Variants in PCDHB5 observed in about 807,000 individuals in gnomAD.
PCDHB5 encodes the protein protocadherin beta-5.
For synonymous variants in PCDHB5, 569 were observed against 462.2 expected, an observed-to-expected ratio of 1.23 and a Z score of -2.96; for missense variants, 1,125 against 1,029.4, an observed-to-expected ratio of 1.09 and a Z score of -1.27.
rs781913932 is a variant in PCDHB5, at chr5:141,136,782, T to G, written c.1348T>G (p.Phe450Val). 1.9e-6 allele frequency: 3 copies of G among 1,613,892 alleles called. No individual in the cohort carries two copies. Among genetic ancestry groups the G allele is most frequent in the Non-Finnish European group, 2.5e-6 (3 of 1,180,012 alleles). ...VSDVNDNAPAFTQTSYTLFVR... is the reference protein window; with the variant it reads ...VSDVNDNAPAVTQTSYTLFVR... ...CGACGTCAATGACAACGCCCCCGCC[T>G]TCACCCAAACCTCCTACACCCTGTT... The change falls in exon 1 of 1, where the codon TTC becomes GTC. Residue 450 changes from phenylalanine (F) to valine (V), a missense_variant. Coordinates refer to ENST00000231134, the MANE Select transcript of PCDHB5 (RefSeq NM_015669.5).
At position 141,137,806 on chromosome 5, in the gene PCDHB5, G is replaced by A. The variant is rs1258501515; in HGVS notation, c.2372G>A (p.Ser791Asn). 6.2e-7 allele frequency: 1 copy of A among 1,601,522 alleles called. No individual in the cohort carries two copies. ...EIGKTAAFRN[S>N]FGLN Reference sequence around the variant, plus strand: ...GGGAAAACTGCTGCCTTCCGGAATAGCTTTGGATTAAATTAGAGATCTCGT... The same window carrying A: ...GGGAAAACTGCTGCCTTCCGGAATAACTTTGGATTAAATTAGAGATCTCGT... The change falls in exon 1 of 1, where the codon AGC becomes AAC. Residue 791 changes from serine (S) to asparagine (N), a missense_variant. Transcript: ENST00000231134.
chr5:141,136,375 A>G lies in PCDHB5; in HGVS notation c.941A>G (p.Tyr314Cys). The change falls in exon 1 of 1, where the codon TAT (tyrosine) becomes TGT (cysteine). Residue 314 changes from tyrosine (Y) to cysteine (C), a missense_variant. Physicochemically the swap from Tyr to Cys is radical, Grantham distance 194. Transcript: ENST00000231134. ...RALDFEATPY[Y>C]NVEIVATDGG... is the part of the protein sequence containing the mutation. ...TTGGATTTCGAGGCAACTCCATATT[A>G]TAACGTGGAAATTGTAGCCACAGAT... 2 of 1,614,164 alleles carry G rather than the reference A, an allele frequency of 1.2e-6. No individual in the cohort carries two copies. The highest frequency in any genetic ancestry group is 1.7e-6 in the Non-Finnish European group (2 of 1,180,012).
Position 141,136,186 on chromosome 5 carries a change from T to G in PCDHB5, c.752T>G (p.Val251Gly), listed in dbSNP as rs1554275835. ...EFLQSFYEVQ[V>G]PENSPLNSLV... The stretch of plus-strand genomic sequence containing the variant: ...TTACAATCATTCTATGAGGTACAGG[T>G]GCCCGAGAACAGCCCCCTTAACTCC... Residue 251 changes from valine (V) to glycine (G), a missense_variant, in exon 1 of 1, where the codon GTG becomes GGG. Physicochemically the swap from Val to Gly is moderately radical, Grantham distance 109. Coordinates refer to ENST00000231134, the MANE Select transcript of PCDHB5 (RefSeq NM_015669.5). 5.0e-6 allele frequency: 8 copies of G among 1,614,036 alleles called. No homozygotes were observed. The highest frequency in any genetic ancestry group is 6.8e-6 in the Non-Finnish European group (8 of 1,180,002).
rs1554275747 is a variant in PCDHB5 at position 141,135,817 on chromosome 5, A to C, written c.383A>C (p.Asp128Ala). The change falls in exon 1 of 1, where the codon GAC becomes GCC. Residue 128 changes from aspartate (D) to alanine (A), a missense_variant. By Grantham distance (126) the Asp-to-Ala change is moderately radical. Coordinates refer to ENST00000231134, the MANE Select transcript of PCDHB5 (RefSeq NM_015669.5). Reference sequence around the variant, plus strand: ...GATCTGCAGCTCACAGATATAAATGACCATGCCCCAGAGTTCCCAGAGAAG... The same window carrying C: ...GATCTGCAGCTCACAGATATAAATGCCCATGCCCCAGAGTTCCCAGAGAAG... ...QTDLQLTDINDHAPEFPEKEM... is the reference protein window; with the variant it reads ...QTDLQLTDINAHAPEFPEKEM... The C allele has an allele frequency of 1.2e-6, 2 of 1,613,878 alleles. No individual in the cohort carries two copies.
Position 141,137,341 on chromosome 5 carries a change from A to G in PCDHB5, c.1907A>G (p.Lys636Arg), listed in dbSNP as rs1361367908. 3.1e-6 allele frequency: 5 copies of G among 1,609,882 alleles called. No homozygotes were observed. Among genetic ancestry groups the G allele is most frequent in the Admixed American group, 3.3e-5 (2 of 59,958 alleles). Residue 636 changes from lysine to arginine, a missense_variant, in exon 1 of 1, where the codon AAG becomes AGG. Lys to Arg is a conservative substitution (Grantham distance 26, BLOSUM62 2). Coordinates refer to ENST00000231134, the MANE Select transcript of PCDHB5 (RefSeq NM_015669.5). ...ARLLSERDAA[K>R]HRLVVLVKDN... The stretch of plus-strand genomic sequence containing the variant: ...CTGCTGAGCGAGCGCGACGCGGCCA[A>G]GCACAGGCTGGTGGTGCTGGTCAAG...
Position 141,135,987 on chromosome 5 carries a change from C to A in PCDHB5, c.553C>A (p.Arg185Ser), listed in dbSNP as rs782048860. 2.5e-6 allele frequency: 4 copies of A among 1,614,196 alleles called. No individual in the cohort carries two copies. In the South Asian group the frequency reaches 4.4e-5, roughly 18 times the overall value. ...NSHFHVATHN[R>S]GDGRKYPELV... is the part of the protein sequence containing the mutation. ...ACACTTTCATGTTGCTACGCATAAT[C>A]GCGGAGATGGCAGAAAATACCCAGA... The change falls in exon 1 of 1, where the codon CGC (arginine) becomes AGC (serine). Residue 185 changes from arginine to serine, a missense_variant. By Grantham distance (110) the Arg-to-Ser change is moderately radical. Coordinates refer to ENST00000231134, the MANE Select transcript of PCDHB5 (RefSeq NM_015669.5).
rs1752539811 is a variant in PCDHB5, at chr5:141,135,207, A to G, written c.-228A>G. ...GGACGCCTGGTGGCGCTGCAGGCTA[A>G]GAGTGTGGATAGTGGGCTCTGCGGA... On this transcript the variant is annotated 5_prime_UTR_variant, in exon 1 of 1. Coordinates refer to ENST00000231134, the MANE Select transcript of PCDHB5 (RefSeq NM_015669.5). 2.0e-6 allele frequency: 1 copy of G among 488,960 alleles called. No individual in the cohort carries two copies. Among genetic ancestry groups the G allele is most frequent in the Admixed American group, 3.8e-5 (1 of 26,212 alleles). 30.3% of individuals were successfully genotyped at this position (488,960 alleles called of 1,614,324 possible). A position where few individuals can be genotyped will look rare whatever the true frequency, so the allele number is the denominator to read the frequency against.
In PCDHB5 at chr5:141,136,210, C is replaced by G. The variant is rs201523519; in HGVS notation, c.776C>G (p.Ser259Cys). ...GTGCCCGAGAACAGCCCCCTTAACT[C>G]CTTAGTTGTCGTTGTCTCCGCTCGA... ...VQVPENSPLN[S>C]LVVVVSARDL... The change falls in exon 1 of 1, where the codon TCC (serine) becomes TGC (cysteine). Residue 259 changes from serine to cysteine, a missense_variant. Physicochemically the swap from Ser to Cys is moderately radical, Grantham distance 112 (BLOSUM62 -1). Transcript: ENST00000231134. 3.1e-5 allele frequency: 50 copies of G among 1,614,060 alleles called. No homozygotes were observed. In the East Asian group the frequency reaches 1.1e-3, roughly 36 times the overall value.
Position 141,135,539 on chromosome 5 carries a change from A to G in PCDHB5, c.105A>G (p.Ile35Met), listed in dbSNP as rs1554275695. Residue 35 changes from isoleucine to methionine, a missense_variant, in exon 1 of 1, where the codon ATA (isoleucine) becomes ATG (methionine). Physicochemically the swap from Ile to Met is conservative, Grantham distance 10. Coordinates refer to ENST00000231134, the MANE Select transcript of PCDHB5 (RefSeq NM_015669.5). ...EAGSEAVRYS[I>M]PEETESGYSV... ...GCTCTGAGGCAGTTAGGTATTCCAT[A>G]CCAGAAGAAACAGAAAGTGGCTATT... 2 of 1,614,144 alleles carry G rather than the reference A, an allele frequency of 1.2e-6. No individual in the cohort carries two copies. Among genetic ancestry groups the G allele is most frequent in the African/African-American group, 1.3e-5 (1 of 75,030 alleles).
chr5:141,136,565 C>T lies in PCDHB5; in HGVS notation c.1131C>T (p.Asn377=), dbSNP rs1554275931. Reference sequence around the variant, plus strand: ...TTTCTGATCCAGACTCCGGGGACAACGGTAGGATGATTTGCTCCATCCAGA... The same window carrying T: ...TTTCTGATCCAGACTCCGGGGACAATGGTAGGATGATTTGCTCCATCCAGA... The part of the protein sequence containing the change: ...FSVSDPDSGD[N]GRMICSIQND... The change falls in exon 1 of 1, where the codon AAC becomes AAT. Residue 377 remains asparagine (N), a synonymous_variant. Transcript: ENST00000231134. 3 of 1,614,118 alleles carry T rather than the reference C, an allele frequency of 1.9e-6. No individual in the cohort carries two copies. Among genetic ancestry groups the T allele is most frequent in the Non-Finnish European group, 2.5e-6 (3 of 1,180,032 alleles).
At position 141,137,191 on chromosome 5, in the gene PCDHB5, C is replaced by T; in HGVS notation, c.1757C>T (p.Thr586Ile). The T allele has an allele frequency of 3.1e-6, 5 of 1,611,096 alleles. No individual in the cohort carries two copies. The highest frequency in any genetic ancestry group is 3.4e-6 in the Non-Finnish European group (4 of 1,179,612). The change falls in exon 1 of 1, where the codon ACC (threonine) becomes ATC (isoleucine). Residue 586 changes from threonine (T) to isoleucine (I), a missense_variant. Coordinates refer to ENST00000231134, the MANE Select transcript of PCDHB5 (RefSeq NM_015669.5). ...PRAAEPGYLV[T>I]KVVAVDGDSG... ...GCGGCCGAGCCGGGCTACCTGGTGA[C>T]CAAGGTGGTGGCGGTGGACGGTGAC...
Position 141,137,505 on chromosome 5 carries a change from G to A in PCDHB5, c.2071G>A (p.Val691Met). 6.2e-7 allele frequency: 1 copy of A among 1,612,558 alleles called. No homozygotes were observed. Among genetic ancestry groups the A allele is most frequent in the Non-Finnish European group, 8.5e-7 (1 of 1,179,562 alleles). Reference protein sequence around the residue: ...QADSLTVYLVVALASVSSLFL... With the variant: ...QADSLTVYLVMALASVSSLFL... ...CGACTCGCTCACTGTCTACCTGGTG[G>A]TGGCATTGGCCTCGGTGTCGTCGCT... Residue 691 changes from valine to methionine, a missense_variant, in exon 1 of 1, where the codon GTG (valine) becomes ATG (methionine). Val to Met is a conservative substitution (Grantham distance 21). Transcript: ENST00000231134.
Position 141,135,663 on chromosome 5 carries a change from C to G in PCDHB5, c.229C>G (p.Leu77Val), listed in dbSNP as rs1752551979. The G allele has an allele frequency of 1.9e-6, 3 of 1,614,044 alleles. No individual in the cohort carries two copies. In the African/African-American group the frequency reaches 4.0e-5, roughly 22 times the overall value. Residue 77 changes from leucine to valine, a missense_variant, in exon 1 of 1, where the codon CTT becomes GTT. By Grantham distance (32) the Leu-to-Val change is conservative. Coordinates refer to ENST00000231134, the MANE Select transcript of PCDHB5 (RefSeq NM_015669.5). ...HYKGNKELLQ[L>V]DIKTGNLLLY... ...CAAAGGAAACAAAGAGCTCTTGCAG[C>G]TTGATATAAAGACCGGCAATTTGCT...
chr5:141,135,438 G>C lies in PCDHB5; in HGVS notation c.4G>C (p.Glu2Gln), dbSNP rs1752544495. 6.2e-7 allele frequency: 1 copy of C among 1,602,984 alleles called. No individual in the cohort carries two copies. The highest frequency in any genetic ancestry group is 8.5e-7 in the Non-Finnish European group (1 of 1,174,722). ...CCTTCTGGACCGGGTCTGAACAATG[G>C]AGACTGCGCTAGCAAAAACGCCACA... is the stretch of plus-strand genomic sequence containing the variant. The part of the protein sequence containing the change: M[E>Q]TALAKTPQKR... The change falls in exon 1 of 1, where the codon GAG becomes CAG. Residue 2 changes from glutamate to glutamine, a missense_variant. Coordinates refer to ENST00000231134, the MANE Select transcript of PCDHB5 (RefSeq NM_015669.5).
rs202153304 is a variant in PCDHB5, at chr5:141,135,390, A to C, written c.-45A>C. The stretch of plus-strand genomic sequence containing the variant: ...TTATTTATGCAAATCATCTGGGTGG[A>C]TTGTGTACGGAGTTAAACTGCGCCT... On this transcript the variant is annotated 5_prime_UTR_variant, in exon 1 of 1. Coordinates refer to ENST00000231134, the MANE Select transcript of PCDHB5 (RefSeq NM_015669.5). 3.1e-6 allele frequency: 4 copies of C among 1,301,656 alleles called. No individual in the cohort carries two copies. In the Admixed American group the frequency reaches 6.6e-5, roughly 21 times the overall value. 80.6% of individuals were successfully genotyped at this position (1,301,656 alleles called of 1,614,324 possible).
rs1554275923 is a variant in PCDHB5, at chr5:141,136,526, T to C, written c.1092T>C (p.Val364=). ...CAGAAAATGCCCCGGAAACTGTAGT[T>C]GCCGTTTTCAGTGTTTCTGATCCAG... is the stretch of plus-strand genomic sequence containing the variant. The part of the protein sequence containing the change: ...PTPENAPETV[V]AVFSVSDPDS... Residue 364 remains valine, a synonymous_variant, in exon 1 of 1, where the codon GTT becomes GTC. Coordinates refer to ENST00000231134, the MANE Select transcript of PCDHB5 (RefSeq NM_015669.5). The C allele has an allele frequency of 6.2e-7, 1 of 1,614,040 alleles. No homozygotes were observed. Among genetic ancestry groups the C allele is most frequent in the African/African-American group, 1.3e-5 (1 of 74,982 alleles).
chr5:141,137,472 G>T lies in PCDHB5; in HGVS notation c.2038G>T (p.Ala680Ser). Residue 680 changes from alanine to serine, a missense_variant, in exon 1 of 1, where the codon GCC becomes TCC. Physicochemically the swap from Ala to Ser is moderately conservative, Grantham distance 99. Coordinates refer to ENST00000231134, the MANE Select transcript of PCDHB5 (RefSeq NM_015669.5). ...GCTGCCGGAGGCGGCCCCGGCCCAG[G>T]CCCAGGCCGACTCGCTCACTGTCTA... is the stretch of plus-strand genomic sequence containing the variant. ...LPLPEAAPAQ[A>S]QADSLTVYLV... is the part of the protein sequence containing the mutation. 1 of 1,612,672 alleles carries T rather than the reference G, an allele frequency of 6.2e-7. No homozygotes were observed. The highest frequency in any genetic ancestry group is 8.5e-7 in the Non-Finnish European group (1 of 1,179,732).
chr5:141,137,952 T>A lies in PCDHB5; in HGVS notation c.*130T>A. 1 of 847,058 alleles carries A rather than the reference T, an allele frequency of 1.2e-6. No individual in the cohort carries two copies. Among genetic ancestry groups the A allele is most frequent in the Non-Finnish European group, 1.8e-6 (1 of 544,782 alleles). The allele number at this position is 847,058 out of a possible 1,614,324, so 52.5% of individuals were successfully genotyped here. ...TATTTCCCTTTTTAATGGATTTGTC[T>A]GTTGAACTTCATGCTGTCCAAGTGT... On this transcript the variant is annotated 3_prime_UTR_variant, in exon 1 of 1. Coordinates refer to ENST00000231134, the MANE Select transcript of PCDHB5 (RefSeq NM_015669.5).
At position 141,136,378 on chromosome 5, in the gene PCDHB5, A is replaced by G. The variant is rs781877702; in HGVS notation, c.944A>G (p.Asn315Ser). The change falls in exon 1 of 1, where the codon AAC (asparagine) becomes AGC (serine). Residue 315 changes from asparagine to serine, a missense_variant. Transcript: ENST00000231134. The part of the protein sequence containing the change: ...ALDFEATPYY[N>S]VEIVATDGGG... ...GATTTCGAGGCAACTCCATATTATA[A>G]CGTGGAAATTGTAGCCACAGATGGT... The G allele has an allele frequency of 1.8e-5, 29 of 1,614,030 alleles. No individual in the cohort carries two copies. In the South Asian group the frequency reaches 3.2e-4, roughly 18 times the overall value.
Sources: allele counts gnomAD v4.1 joint callset, GRCh38; gene constraint gnomAD v4.1.1; transcripts MANE v1.5; gene names NCBI Gene and HGNC (gene_info 2026-07-23, HGNC 2026-07-21).